The following TALDO1 variants were observed in gnomAD, a reference collection of about 807,000 sequenced individuals.
The protein encoded by TALDO1 is transaldolase.
TALDO1 carries 29 observed loss-of-function variants against 38.1 expected under a neutral mutation model. The ratio of observed to expected loss-of-function variants is 0.76; its 90% CI spans 0.57 to 1.04. The LOEUF (loss-of-function observed/expected upper bound fraction) is 1.04. Among genes scored for constraint, TALDO1 ranks in the 50% least tolerant of loss-of-function variants. The pLI, the probability that TALDO1 is intolerant of heterozygous loss-of-function variation, is 0.00. For missense variants in TALDO1, 499 were observed against 438.1 expected, an observed-to-expected ratio of 1.14 and a Z score of -1.24; for synonymous variants, 207 against 176.8, an observed-to-expected ratio of 1.17 and a Z score of -1.36.
chr11:761,635 GTGTTT>G (rs1170605950), intron 4 of TALDO1, among the ~76,000 whole-genome samples: 2 of 152,348 alleles, frequency 1.3e-5, no homozygotes, highest in South Asian at 4.1e-4. Context: ...TCAGGAAGAG[GTGTTT>G]TGTTTCCACA....
chr11:755,823 T>C (rs1432407780), intron 1 of TALDO1, 56 bp from the exon 2 acceptor site: 3 of 1,613,432 alleles, frequency 1.9e-6, no homozygotes, highest in Non-Finnish European at 2.5e-6. Context: ...CTTCACATGT[T>C]TCCAGTTGGA....
intron 6 of TALDO1, 22 bp from the exon 7 acceptor site, chr11:764,266 A>T: frequency 6.2e-7 from 1 of 1,614,076 alleles, no homozygotes; most frequent in Non-Finnish European, 8.5e-7. Flanking sequence ...GCAGGCATGG[A>T]AGGCTGGTTC....
intron 4 of TALDO1, chr11:760,627 G>T: frequency 3.6e-6 from 1 of 278,086 alleles, no homozygotes; most frequent in South Asian, 3.7e-5. Context: ...ATATATGCTG[G>T]CTGGGCAAGA....
At chr11:758,441 TG>T (rs199916935) in intron 2 of TALDO1, among the ~76,000 whole-genome samples, 113 of 148,952 alleles carry the variant, frequency 7.6e-4, no homozygotes, top group Non-Finnish European at 1.1e-3. Context: ...GACCCTGTCT[TG>T]GGGGAAAAAA....
intron 2 of TALDO1, 145 bp downstream of exon 2, chr11:756,147 T>C: frequency 1.6e-6 from 2 of 1,232,874 alleles, no homozygotes; most frequent in Non-Finnish European, 2.2e-6. Flanking sequence ...TATTTTTGTT[T>C]ATTGAAGTGT....
rs781312761 is a variant in TALDO1, at chr11:756,031, G to C, written c.221+29G>C. On this transcript the variant is annotated intron_variant, in intron 2 of 7. Transcript: ENST00000319006. The stretch of plus-strand genomic sequence containing the variant: ...AGTGCCTGGACTCGGGAGGGTCCCA[G>C]CTAGGCCCTCGTGCTAGTCTAGTTG... 8.1e-6 allele frequency: 13 copies of C among 1,607,110 alleles called. No homozygotes were observed. In the Admixed American group the frequency reaches 1.9e-4, roughly 23 times the overall value.
chr11:763,859 T>C lies in TALDO1; in HGVS notation c.750T>C (p.Cys250=). Reference sequence around the variant, plus strand: ...GCGAGATCAAAGCACTGGCCGGCTGTGACTTCCTCACCATCTCACCCAAGC... The same window carrying C: ...GCGAGATCAAAGCACTGGCCGGCTGCGACTTCCTCACCATCTCACCCAAGC... ...NTGEIKALAG[C]DFLTISPKLL... Residue 250 remains cysteine (C), a synonymous_variant, in exon 6 of 8, where the codon TGT becomes TGC. Coordinates refer to ENST00000319006, the MANE Select transcript of TALDO1 (RefSeq NM_006755.2). The C allele has an allele frequency of 6.2e-7, 1 of 1,613,934 alleles. No homozygotes were observed. Among genetic ancestry groups the C allele is most frequent in the Middle Eastern group, 1.6e-4 (1 of 6,062 alleles).
chr11:757,647 G>A (rs1465891566), intron 2 of TALDO1, among the ~76,000 whole-genome samples: 1 of 152,196 alleles, frequency 6.6e-6, no homozygotes, highest in African/African-American at 2.4e-5. Context: ...CCTGTGTGTA[G>A]TGGGCTAACA....
intron 1 of TALDO1, among the ~76,000 whole-genome samples, chr11:747,966 T>A (rs1178305952): frequency 1.3e-5 from 2 of 152,134 alleles, no homozygotes; most frequent in African/African-American, 2.4e-5. Flanking sequence ...AGCCTCGCCC[T>A]CCGCCCAGGG....
rs1863006629 is a variant in TALDO1, at chr11:764,039, C to T, written c.835+95C>T. 18 of 1,477,756 alleles carry T rather than the reference C, an allele frequency of 1.2e-5. No homozygotes were observed. In the South Asian group the frequency reaches 1.3e-4, roughly 11 times the overall value. 91.5% of individuals were successfully genotyped at this position (1,477,756 alleles called of 1,614,324 possible). On this transcript the variant is annotated intron_variant, in intron 6 of 7. Transcript: ENST00000319006. ...TGGGTGATCCCTCCCACCTGTGGGG[C>T]GAGCTCATCTTGGGAGACATGAGGG...
At chr11:758,685 A>G (rs1219565024) in intron 2 of TALDO1, among the ~76,000 whole-genome samples, 1 of 151,508 alleles carries the variant, frequency 6.6e-6, no homozygotes, top group Admixed American at 6.6e-5. Context: ...GCTCACTGCA[A>G]GCTCCACCTC....
At chr11:763,214 C>G in intron 4 of TALDO1, 130 bp from the exon 5 acceptor site, 1 of 143,820 alleles carries the variant, frequency 7.0e-6, no homozygotes, top group Non-Finnish European at 1.5e-5. Flanking sequence ...GCCCCGCCCT[C>G]ACCTGCCCCC....
In TALDO1 at chr11:763,376, A is replaced by G. The variant is rs759905924; in HGVS notation, c.494A>G (p.Asn165Ser). ...GAGGAGCAGCACGGCATCCACTGCA[A>G]CATGACGTTACTCTTCTCCTTCGCC... ...ELEEQHGIHCNMTLLFSFAQA... is the reference protein window; with the variant it reads ...ELEEQHGIHCSMTLLFSFAQA... Residue 165 changes from asparagine to serine, a missense_variant, in exon 5 of 8, where the codon AAC becomes AGC. Transcript: ENST00000319006. 22 of 1,607,452 alleles carry G rather than the reference A, an allele frequency of 1.4e-5. No homozygotes were observed. Among genetic ancestry groups the G allele is most frequent in the Non-Finnish European group, 1.8e-5 (21 of 1,176,646 alleles).
intron 7 of TALDO1, 82 bp downstream of exon 7, chr11:764,515 G>C: frequency 6.4e-7 from 1 of 1,567,240 alleles, no homozygotes; most frequent in Non-Finnish European, 8.7e-7. Context: ...GCTGGGCAGA[G>C]TTAAAACTTT....
At chr11:760,282 C>G (rs1862907260) in intron 4 of TALDO1, 29 bp downstream of exon 4, 4 of 1,612,486 alleles carry the variant, frequency 2.5e-6, no homozygotes, top group Non-Finnish European at 3.4e-6. Context: ...GGAAGGAGCT[C>G]TCAGAGATTT....
intron 2 of TALDO1, 87 bp downstream of exon 2, chr11:756,089 C>A: frequency 1.3e-6 from 2 of 1,524,464 alleles, no homozygotes; most frequent in South Asian, 1.2e-5. Context: ...AATTTTAGTT[C>A]TCAAACACCA....
intron 1 of TALDO1, among the ~76,000 whole-genome samples, chr11:754,238 G>A (rs972014993): frequency 6.6e-6 from 1 of 152,156 alleles, no homozygotes; most frequent in South Asian, 2.1e-4. Context: ...ACCCCCGTTG[G>A]CCTCCCAAAG....
intron 1 of TALDO1, among the ~76,000 whole-genome samples, chr11:751,083 T>A (rs958253352): frequency 1.3e-5 from 2 of 152,072 alleles, no homozygotes; most frequent in Non-Finnish European, 2.9e-5. Context: ...AGACAGGGTC[T>A]TGCTCTGTCA....
At chr11:757,091 C>T (rs1443233302) in intron 2 of TALDO1, among the ~76,000 whole-genome samples, 1 of 152,172 alleles carries the variant, frequency 6.6e-6, no homozygotes, top group Non-Finnish European at 1.5e-5. Flanking sequence ...GCTCCCCTGA[C>T]CATGTTGTGA....
Sources: gnomAD v4.1 joint callset for allele counts (sites outside exome capture counted in the v4.1 genomes callset) on GRCh38, gnomAD v4.1.1 for gene constraint, MANE v1.5 for transcripts, NCBI Gene and HGNC (gene_info 2026-07-23, HGNC 2026-07-21) for gene names.